EFCAB3: variants seen among roughly 807,000 people sequenced by gnomAD.
The protein encoded by EFCAB3 is EF-hand calcium binding domain 3, also known as EF-hand calcium-binding domain-containing protein 3.
A neutral mutation model predicts 42.2 loss-of-function variants in EFCAB3; 36 were observed. That is an observed-to-expected ratio of 0.85 (90% CI 0.65 to 1.13). EFCAB3 has a LOEUF of 1.13. Ranked by LOEUF, EFCAB3 falls within the 50% of genes most tolerant of loss-of-function variation. The pLI, the probability that EFCAB3 is intolerant of heterozygous loss-of-function variation, is 0.00. For synonymous variants in EFCAB3, 170 were observed against 172.8 expected (o/e 0.98, Z 0.13); for missense variants, 418 against 505.1 (o/e 0.83, Z 1.65).
chr17:62,371,509 G>C (rs973385655), intron 1 of EFCAB3, among the ~76,000 whole-genome samples: 2 of 152,178 alleles, frequency 1.3e-5, no homozygotes, highest in African/African-American at 4.8e-5. Flanking sequence ...AGTGAGCCAA[G>C]ATTGCGCCAC....
intron 6 of EFCAB3, among the ~76,000 whole-genome samples, chr17:62,401,426 G>C (rs56849480): frequency 0.049 from 7,395 of 152,160 alleles, 614 homozygotes; most frequent in African/African-American, 0.17. Flanking sequence ...TTTTAGGTCT[G>C]ACATTTAAGT....
At chr17:62,384,636 T>A (rs535067870) in intron 2 of EFCAB3, among the ~76,000 whole-genome samples, 1 of 152,292 alleles carries the variant, frequency 6.6e-6, no homozygotes, top group East Asian at 1.9e-4. Flanking sequence ...AAAAGATCTT[T>A]ACACTGCCTT....
Position 62,416,328 on chromosome 17 carries a change from G to A in EFCAB3, c.1316G>A (p.Ter439=), listed in dbSNP as rs567075799. 3.2e-6 allele frequency: 5 copies of A among 1,572,474 alleles called. No homozygotes were observed. The East Asian group carries it at 1.1e-4, about 35-fold the overall frequency. Reference sequence around the variant, plus strand: ...AAAGGTTTAAAGGGATTTCAACAATGAAATTTCTACATTTTCTAAACAGCT... The same window carrying A: ...AAAGGTTTAAAGGGATTTCAACAATAAAATTTCTACATTTTCTAAACAGCT... ...KRKGLKGFQQ[*] is the part of the protein sequence containing the mutation. The change falls in exon 10 of 10, where the codon TGA becomes TAA. Residue 439 remains the stop codon, a stop_retained_variant. Coordinates refer to ENST00000305286, the MANE Select transcript of EFCAB3 (RefSeq NM_173503.4).
chr17:62,406,889 G>A, intron 7 of EFCAB3, 139 bp from the exon 8 acceptor site: 2 of 392,366 alleles, frequency 5.1e-6, no homozygotes, highest in Non-Finnish European at 8.6e-6. Flanking sequence ...TGGGTGGGGG[G>A]TGGGAGCAGG....
chr17:62,384,338 G>A (rs1410127837), intron 2 of EFCAB3, among the ~76,000 whole-genome samples: 1 of 152,148 alleles, frequency 6.6e-6, no homozygotes. Context: ...CAGATAATAA[G>A]AACTTTACAT....
chr17:62,383,346 C>T (rs150228165), intron 2 of EFCAB3, among the ~76,000 whole-genome samples: 2,712 of 152,012 alleles, frequency 0.018, 87 homozygotes, highest in African/African-American at 0.061. Flanking sequence ...TGGTGGTGTG[C>T]GCCTGTGGTG....
intron 8 of EFCAB3, among the ~76,000 whole-genome samples, chr17:62,410,374 G>T (rs1036152920): frequency 6.6e-6 from 1 of 151,958 alleles, no homozygotes; most frequent in African/African-American, 2.4e-5. Flanking sequence ...AGAAAAGAAA[G>T]AAATGGTACT....
At position 62,401,071 on chromosome 17, in the gene EFCAB3, C is replaced by CACA. The variant is rs1247975622; in HGVS notation, c.489-5409_489-5408insACA. On this transcript the variant is annotated intron_variant, in intron 6 of 9. Coordinates refer to ENST00000305286, the MANE Select transcript of EFCAB3 (RefSeq NM_173503.4). ...GAGCATTTTTTCATGTGTCTGTTGG[C>CACA]TGCATAAATGTCTTCTTTTGAGAAG... Among the ~76,000 whole-genome samples the CACA allele has an allele frequency of 5.3e-5, 8 of 152,136 alleles. No individual in the cohort carries two copies. In the East Asian group the frequency reaches 1.5e-3, roughly 29 times the overall value.
At chr17:62,370,831 T>C (rs1235653467) in intron 1 of EFCAB3, among the ~76,000 whole-genome samples, 1 of 151,948 alleles carries the variant, frequency 6.6e-6, no homozygotes, top group Non-Finnish European at 1.5e-5. Context: ...CTCACACCTA[T>C]AATTCCAGTG....
intron 1 of EFCAB3, among the ~76,000 whole-genome samples, chr17:62,382,199 C>A (rs1167050693): frequency 1.3e-5 from 2 of 152,134 alleles, no homozygotes; most frequent in Admixed American, 6.5e-5. Flanking sequence ...ACATTTTATT[C>A]TTTGTCAATT....
At chr17:62,393,956 GT>G (rs1166438547) in intron 5 of EFCAB3, among the ~76,000 whole-genome samples, 1 of 95,890 alleles carries the variant, frequency 1.0e-5, no homozygotes, top group Non-Finnish European at 2.8e-5. Flanking sequence ...GAATTATTTT[GT>G]CTTTTTTTTT....
chr17:62,397,875 A>ATCC (rs1482739437), intron 6 of EFCAB3: 6 of 272,022 alleles, frequency 2.2e-5, no homozygotes, highest in Non-Finnish European at 4.3e-5. Context: ...ATTTAAAAAA[A>ATCC]TTAGCCAGGC....
intron 2 of EFCAB3, among the ~76,000 whole-genome samples, chr17:62,387,084 G>C (rs1331859563): frequency 6.6e-6 from 1 of 152,158 alleles, no homozygotes; most frequent in African/African-American, 2.4e-5. Flanking sequence ...GAGCCACCAT[G>C]GCTGGCCTGA....
intron 5 of EFCAB3, 42 bp downstream of exon 5, chr17:62,393,686 C>A: frequency 6.6e-7 from 1 of 1,525,112 alleles, no homozygotes; most frequent in Non-Finnish European, 9.1e-7. Flanking sequence ...TGGGCAGCTA[C>A]AACTCACTGC....
chr17:62,385,082 T>G (rs185402729), intron 2 of EFCAB3, among the ~76,000 whole-genome samples: 5 of 152,266 alleles, frequency 3.3e-5, no homozygotes, highest in African/African-American at 1.2e-4. Context: ...GGTAACCCCA[T>G]CATGAATCAA....
intron 8 of EFCAB3, among the ~76,000 whole-genome samples, chr17:62,410,763 G>A (rs919075818): frequency 2.0e-5 from 3 of 152,130 alleles, no homozygotes; most frequent in African/African-American, 7.2e-5. Flanking sequence ...AATAGATCTC[G>A]GCCCTGATGA....
intron 8 of EFCAB3, among the ~76,000 whole-genome samples, chr17:62,410,039 A>C (rs1319947731): frequency 6.6e-6 from 1 of 152,010 alleles, no homozygotes; most frequent in African/African-American, 2.4e-5. Flanking sequence ...ATCTCTACTA[A>C]AAATACAAAA....
chr17:62,393,745 G>T (rs2070324830), intron 5 of EFCAB3, 101 bp downstream of exon 5: 2 of 992,548 alleles, frequency 2.0e-6, no homozygotes, highest in Non-Finnish European at 3.1e-6. Flanking sequence ...GGTCAGGAAG[G>T]TGTAGTCTGG....
At chr17:62,403,178 G>A (rs2070419054) in intron 6 of EFCAB3, among the ~76,000 whole-genome samples, 1 of 152,054 alleles carries the variant, frequency 6.6e-6, no homozygotes, top group South Asian at 2.1e-4. Flanking sequence ...GCATGGTTTT[G>A]CCATCTCAGT....
Sources: allele counts gnomAD v4.1 joint callset (sites outside exome capture counted in the v4.1 genomes callset), GRCh38; gene constraint gnomAD v4.1.1; transcripts MANE v1.5; gene names NCBI Gene and HGNC (gene_info 2026-07-23, HGNC 2026-07-21).